Variants in ACSL3 observed in about 807,000 individuals in gnomAD.
The protein encoded by ACSL3 is fatty acid CoA ligase Acsl3.
Under a neutral mutation model 84.7 loss-of-function variants are expected in ACSL3, and 34 were observed. The observed-to-expected ratio is 0.40, with a 90% CI of 0.31 to 0.53. The LOEUF (loss-of-function observed/expected upper bound fraction) is 0.53, where lower values mean the gene tolerates loss of function less well. Ranked by LOEUF, ACSL3 falls within the 20% of genes least tolerant of loss-of-function variation. The probability of loss-of-function intolerance (pLI) is 0.48; values close to 1 mark genes in which losing one functional copy is unlikely to be tolerated. For synonymous variants in ACSL3, 315 were observed against 299.4 expected, an observed-to-expected ratio of 1.05 and a Z score of -0.54; for missense variants, 680 against 873.1, an observed-to-expected ratio of 0.78 and a Z score of 2.79.
chr2:222,887,973 T>A (rs1446835516), intron 2 of ACSL3, 85 bp downstream of exon 2: 1 of 152,176 alleles, frequency 6.6e-6, no homozygotes, highest in Non-Finnish European at 1.5e-5. Flanking sequence ...ATGGCTAAAT[T>A]GACCAAAAAA....
intron 1 of ACSL3, among the ~76,000 whole-genome samples, chr2:222,878,789 T>G (rs1450913308): frequency 1.3e-5 from 2 of 152,210 alleles, no homozygotes; most frequent in Non-Finnish European, 2.9e-5. Context: ...CACCATTCTT[T>G]CATTCTGGAA....
rs528700494 is a variant in ACSL3, at chr2:222,941,682, C to T, written c.*28C>T. On this transcript the variant is annotated 3_prime_UTR_variant, in exon 17 of 17. Transcript: ENST00000357430. ...ATTCTCTTCTGGCATCAGTTTGCTA[C>T]AGTGAGCTCAGATCAAATAGGAAAA... The T allele has an allele frequency of 2.8e-4, 440 of 1,596,128 alleles. 4 individuals carry two copies. In the South Asian group the frequency reaches 4.7e-3, roughly 17 times the overall value.
Position 222,909,017 on chromosome 2 carries a change from A to G in ACSL3, c.245A>G (p.Tyr82Cys). 6.2e-7 allele frequency: 1 copy of G among 1,613,712 alleles called. No individual in the cohort carries two copies. Among genetic ancestry groups the G allele is most frequent in the South Asian group, 1.1e-5 (1 of 90,894 alleles). The change falls in exon 4 of 17, where the codon TAC (tyrosine) becomes TGC (cysteine). Residue 82 changes from tyrosine to cysteine, a missense_variant. Around this residue, in one of 2 missense-constraint regions of ACSL3, gnomAD observed 333 missense variants for 347.5 expected, o/e 0.96. Coordinates refer to ENST00000357430, the MANE Select transcript of ACSL3 (RefSeq NM_004457.5). ...TTGGATGGTTTGGCTTCAGTATTATACCCTGGATGTGATACTTTAGATAAA... is the reference window on the plus strand; with the variant it reads ...TTGGATGGTTTGGCTTCAGTATTATGCCCTGGATGTGATACTTTAGATAAA... Reference protein sequence around the residue: ...NSLDGLASVLYPGCDTLDKVF... With the variant: ...NSLDGLASVLCPGCDTLDKVF...
At chr2:222,886,553 CTA>C (rs1695727214) in intron 1 of ACSL3, among the ~76,000 whole-genome samples, 3 of 152,146 alleles carry the variant, frequency 2.0e-5, no homozygotes, top group African/African-American at 7.2e-5. Flanking sequence ...TTAAAAATAA[CTA>C]TATAATGACT....
Position 222,919,104 on chromosome 2 carries a change from C to CGCA in ACSL3, c.707_708insGCA (p.Thr236_Val237insHis). ...GTCCCACGCCTGCGGCACATCATCA[C>CGCA]TGTTGATGGAAAGCCACCGACCTGG... On this transcript the variant is annotated inframe_insertion, in exon 7 of 17. Coordinates refer to ENST00000357430, the MANE Select transcript of ACSL3 (RefSeq NM_004457.5). 1 of 1,614,138 alleles carries CGCA rather than the reference C, an allele frequency of 6.2e-7. No homozygotes were observed. Among genetic ancestry groups the CGCA allele is most frequent in the Non-Finnish European group, 8.5e-7 (1 of 1,180,014 alleles).
At chr2:222,940,049 A>C (rs1484669039) in intron 16 of ACSL3, among the ~76,000 whole-genome samples, 1 of 152,214 alleles carries the variant, frequency 6.6e-6, no homozygotes, top group African/African-American at 2.4e-5. Context: ...TTAGAAAAAT[A>C]AGTCAGTCCT....
intron 1 of ACSL3, among the ~76,000 whole-genome samples, chr2:222,877,921 T>C (rs932714695): frequency 2.6e-5 from 4 of 152,226 alleles, no homozygotes; most frequent in African/African-American, 9.6e-5. Flanking sequence ...TCAAATAGCT[T>C]TATGAAATAA....
chr2:222,891,622 A>C (rs936728532), intron 2 of ACSL3, among the ~76,000 whole-genome samples: 2 of 152,330 alleles, frequency 1.3e-5, no homozygotes, highest in East Asian at 3.9e-4. Flanking sequence ...AGAGTACTCA[A>C]GAGTCCTACT....
intron 1 of ACSL3, among the ~76,000 whole-genome samples, chr2:222,869,250 C>T (rs566634086): frequency 2.0e-5 from 3 of 152,268 alleles, no homozygotes; most frequent in East Asian, 3.9e-4. Flanking sequence ...AGTGACTTAA[C>T]CTTTCTCAGC....
chr2:222,898,290 C>G (rs1181750333), intron 2 of ACSL3, among the ~76,000 whole-genome samples: 1 of 152,120 alleles, frequency 6.6e-6, no homozygotes, highest in Non-Finnish European at 1.5e-5. Flanking sequence ...GAAATGTTAA[C>G]TCCTCTGGAT....
intron 2 of ACSL3, among the ~76,000 whole-genome samples, chr2:222,892,861 C>CA (rs1338989691): frequency 2.6e-5 from 4 of 152,142 alleles, no homozygotes; most frequent in Non-Finnish European, 4.4e-5. Flanking sequence ...AAGTTCCCTT[C>CA]ACTGTGCTTG....
In ACSL3 at chr2:222,919,219, T is replaced by G. The variant is rs776478456; in HGVS notation, c.805+17T>G. 1 of 1,613,128 alleles carries G rather than the reference T, an allele frequency of 6.2e-7. No individual in the cohort carries two copies. Among genetic ancestry groups the G allele is most frequent in the Non-Finnish European group, 8.5e-7 (1 of 1,179,596 alleles). ...CCAGCATGGGTATGTTACACTTTTC[T>G]AATTCCTTACCTGTGCTTTCTGGTG... On this transcript the variant is annotated intron_variant, in intron 7 of 16. Transcript: ENST00000357430.
chr2:222,908,614 G>A, intron 3 of ACSL3, 119 bp from the exon 4 acceptor site: 1 of 605,708 alleles, frequency 1.7e-6, no homozygotes, highest in Non-Finnish European at 2.9e-6. Flanking sequence ...CATTGTAGGG[G>A]ACCAGTGTGG....
intron 4 of ACSL3, among the ~76,000 whole-genome samples, chr2:222,915,954 A>G (rs1205211651): frequency 2.6e-5 from 4 of 152,220 alleles, no homozygotes; most frequent in Non-Finnish European, 5.9e-5. Flanking sequence ...TAGGCTAAAT[A>G]TTAAGTTAAC....
intron 1 of ACSL3, among the ~76,000 whole-genome samples, chr2:222,874,766 A>G (rs1695403541): frequency 6.6e-6 from 1 of 152,120 alleles, no homozygotes; most frequent in Non-Finnish European, 1.5e-5. Context: ...AATTTTGCTT[A>G]TTGGATATAT....
chr2:222,898,969 G>A (rs533242508), intron 2 of ACSL3, among the ~76,000 whole-genome samples: 3 of 152,200 alleles, frequency 2.0e-5, no homozygotes, highest in Non-Finnish European at 4.4e-5. Flanking sequence ...ATTCAAGTGT[G>A]AATGAGAAAT....
intron 2 of ACSL3, among the ~76,000 whole-genome samples, chr2:222,899,605 A>G (rs1042608644): frequency 2.6e-5 from 4 of 152,220 alleles, no homozygotes; most frequent in Admixed American, 2.6e-4. Context: ...ATAGTGCAAA[A>G]TAGAGGCAAG....
At chr2:222,890,681 G>A (rs1394999892) in intron 2 of ACSL3, among the ~76,000 whole-genome samples, 1 of 152,050 alleles carries the variant, frequency 6.6e-6, no homozygotes, top group East Asian at 1.9e-4. Flanking sequence ...TTGGTCTGTG[G>A]CCCAGGCTGA....
At chr2:222,874,433 A>G (rs1207702569) in intron 1 of ACSL3, among the ~76,000 whole-genome samples, 2 of 152,200 alleles carry the variant, frequency 1.3e-5, no homozygotes, top group Admixed American at 6.5e-5. Context: ...GCTAACGTCT[A>G]TAATCCCAGG....
Sources: allele counts gnomAD v4.1 joint callset (sites outside exome capture counted in the v4.1 genomes callset), GRCh38; gene constraint gnomAD v4.1.1; regional missense constraint gnomAD v4.1.1; transcripts MANE v1.5; gene names NCBI Gene and HGNC (gene_info 2026-07-23, HGNC 2026-07-21).